Variants in RHOJ observed in about 807,000 individuals in gnomAD.
RHOJ encodes ras homolog family member J.
RHOJ carries 11 observed loss-of-function variants against 23.4 expected under a neutral mutation model. The observed-to-expected ratio is 0.47, with a 90% CI of 0.30 to 0.78. RHOJ has a LOEUF of 0.78. Ranked by LOEUF, RHOJ falls within the 30% of genes least tolerant of loss-of-function variation. RHOJ has a pLI of 0.08. For missense variants in RHOJ, 254 were observed against 273.4 expected (o/e 0.93, Z 0.50); for synonymous variants, 102 against 102.7 (o/e 0.99, Z 0.04).
rs190506393 is a variant in RHOJ at position 63,246,545 on chromosome 14, A to T, written c.179-22565A>T. On this transcript the variant is annotated intron_variant, in intron 1 of 4. Transcript: ENST00000316754. Reference sequence around the variant, plus strand: ...CTTTTTTTCCTGTACTATTAAAGTAAGAAATTAATGAGATAATTCACATAA... The same window carrying T: ...CTTTTTTTCCTGTACTATTAAAGTATGAAATTAATGAGATAATTCACATAA... 2.0e-5 allele frequency among the ~76,000 whole-genome samples: 3 copies of T among 152,356 alleles called. No individual in the cohort carries two copies. The East Asian group carries it at 5.8e-4, about 29-fold the overall frequency.
At chr14:63,256,528 T>A (rs1895168532) in intron 1 of RHOJ, among the ~76,000 whole-genome samples, 1 of 152,080 alleles carries the variant, frequency 6.6e-6, no homozygotes, top group Non-Finnish European at 1.5e-5. Context: ...CTCACCCCAA[T>A]CATACTCACA....
At chr14:63,255,591 A>G (rs1215862029) in intron 1 of RHOJ, among the ~76,000 whole-genome samples, 1 of 11,324 alleles carries the variant, frequency 8.8e-5, no homozygotes, top group African/African-American at 3.8e-4. Flanking sequence ...ACCCTCCCCC[A>G]CTCCATGCTC....
At chr14:63,226,259 T>G (rs146384505) in intron 1 of RHOJ, among the ~76,000 whole-genome samples, 154 of 151,758 alleles carry the variant, frequency 1.0e-3, no homozygotes, top group African/African-American at 3.5e-3. Context: ...AAAAACATAA[T>G]GAAACAATTA....
chr14:63,227,199 G>A (rs982862166), intron 1 of RHOJ, among the ~76,000 whole-genome samples: 4 of 152,208 alleles, frequency 2.6e-5, no homozygotes, highest in Non-Finnish European at 4.4e-5. Context: ...TGATCCACCC[G>A]CCTCAGCCTC....
chr14:63,279,860 AT>A (rs960810032), intron 2 of RHOJ, among the ~76,000 whole-genome samples: 9 of 152,088 alleles, frequency 5.9e-5, no homozygotes, highest in Admixed American at 2.6e-4. Flanking sequence ...TTTGGATATA[AT>A]TTTTTTTAAT....
chr14:63,280,843 A>C, intron 2 of RHOJ, 128 bp from the exon 3 acceptor site: 1 of 795,242 alleles, frequency 1.3e-6, no homozygotes, highest in Non-Finnish European at 1.9e-6. Context: ...GAACTACCAG[A>C]TTCCAGGGTT....
At chr14:63,217,261 C>T (rs1162658921) in intron 1 of RHOJ, among the ~76,000 whole-genome samples, 2 of 140,844 alleles carry the variant, frequency 1.4e-5, no homozygotes, top group Non-Finnish European at 3.1e-5. Flanking sequence ...CAACAGTCCC[C>T]AGAGTGTGAT....
intron 1 of RHOJ, among the ~76,000 whole-genome samples, chr14:63,257,666 C>A (rs977143487): frequency 6.7e-6 from 1 of 149,442 alleles, no homozygotes; most frequent in East Asian, 2.1e-4. Context: ...CCTTCCCCAC[C>A]CACCCCATCC....
intron 1 of RHOJ, among the ~76,000 whole-genome samples, chr14:63,246,305 C>T (rs1894975007): frequency 6.6e-6 from 1 of 152,154 alleles, no homozygotes; most frequent in African/African-American, 2.4e-5. Context: ...AACAGCACAA[C>T]CTACAACAAA....
At chr14:63,246,824 G>A (rs1222936415) in intron 1 of RHOJ, among the ~76,000 whole-genome samples, 2 of 152,126 alleles carry the variant, frequency 1.3e-5, no homozygotes, top group South Asian at 2.1e-4. Context: ...TAGAAGTGAC[G>A]AGGAATGGAG....
Position 63,293,440 on chromosome 14 carries a change from T to C in RHOJ, c.*2416T>C, listed in dbSNP as rs67202006. 0.018 allele frequency among the ~76,000 whole-genome samples: 2,680 copies of C among 152,294 alleles called. 136 individuals carry two copies. Among genetic ancestry groups the C allele is most frequent in the East Asian group, 0.16 (854 of 5,178 alleles). ...GCAACTGGATAGAGACTGTTGTTAG[T>C]GTCTGGGTAGAGCACAGGCTCCCAG... On this transcript the variant is annotated 3_prime_UTR_variant, in exon 5 of 5. Coordinates refer to ENST00000316754, the MANE Select transcript of RHOJ (RefSeq NM_020663.5).
At position 63,292,546 on chromosome 14, in the gene RHOJ, T is replaced by G. The variant is rs1473145159; in HGVS notation, c.*1522T>G. ...TTTTCAGTTGCATGAGCAAAGTGCT[T>G]CTTAGTAGTGTGAAATTACAACAAC... On this transcript the variant is annotated 3_prime_UTR_variant, in exon 5 of 5. Coordinates refer to ENST00000316754, the MANE Select transcript of RHOJ (RefSeq NM_020663.5). 4.6e-5 allele frequency: 7 copies of G among 152,222 alleles called. No individual in the cohort carries two copies. The highest frequency in any genetic ancestry group is 7.3e-5 in the Non-Finnish European group (5 of 68,040). The allele number at this position is 152,222 out of a possible 1,614,324, so 9.4% of individuals were successfully genotyped here.
At chr14:63,249,855 C>T (rs1265314869) in intron 1 of RHOJ, among the ~76,000 whole-genome samples, 1 of 152,156 alleles carries the variant, frequency 6.6e-6, no homozygotes, top group Non-Finnish European at 1.5e-5. Context: ...AGGGTGCAAC[C>T]AAGGTTAAGA....
In RHOJ at chr14:63,291,098, A is replaced by G; in HGVS notation, c.*74A>G. ...CAATCTCTGTGGCCAAGCTCCAGCCAAAAAGGAGGGCACGACCAGAAAGGA... is the reference window on the plus strand; with the variant it reads ...CAATCTCTGTGGCCAAGCTCCAGCCGAAAAGGAGGGCACGACCAGAAAGGA... On this transcript the variant is annotated 3_prime_UTR_variant, in exon 5 of 5. Coordinates refer to ENST00000316754, the MANE Select transcript of RHOJ (RefSeq NM_020663.5). The G allele has an allele frequency of 6.4e-7, 1 of 1,557,656 alleles. No individual in the cohort carries two copies. The highest frequency in any genetic ancestry group is 1.1e-5 in the South Asian group (1 of 89,868).
intron 1 of RHOJ, among the ~76,000 whole-genome samples, chr14:63,266,555 T>C (rs1212536742): frequency 6.6e-6 from 1 of 152,206 alleles, no homozygotes; most frequent in East Asian, 1.9e-4. Context: ...ATTCTTCCAA[T>C]CCATGAGCAT....
At chr14:63,287,827 C>A (rs1466037308) in intron 4 of RHOJ, among the ~76,000 whole-genome samples, 1 of 152,184 alleles carries the variant, frequency 6.6e-6, no homozygotes, top group Non-Finnish European at 1.5e-5. Flanking sequence ...TGAACCCTCC[C>A]AGATGGCTTC....
At chr14:63,232,193 C>T (rs532456638) in intron 1 of RHOJ, among the ~76,000 whole-genome samples, 5 of 152,242 alleles carry the variant, frequency 3.3e-5, no homozygotes, top group East Asian at 1.9e-4. Context: ...GAATCACAGC[C>T]GCCACCCTCA....
chr14:63,284,206 A>C (rs1288105101), intron 4 of RHOJ: 21 of 984,086 alleles, frequency 2.1e-5, no homozygotes, highest in Non-Finnish European at 2.4e-5. Context: ...TCTTGCTTGC[A>C]GGCACTAAAA....
chr14:63,246,815 A>C (rs1320513111), intron 1 of RHOJ, among the ~76,000 whole-genome samples: 1 of 152,178 alleles, frequency 6.6e-6, no homozygotes, highest in Non-Finnish European at 1.5e-5. Flanking sequence ...ATCTAAACGT[A>C]GAAGTGACGA....
Sources: allele counts gnomAD v4.1 joint callset (sites outside exome capture counted in the v4.1 genomes callset), GRCh38; gene constraint gnomAD v4.1.1; transcripts MANE v1.5; gene names NCBI Gene and HGNC (gene_info 2026-07-23, HGNC 2026-07-21).